The following MAF variants were observed in gnomAD, a reference collection of about 807,000 sequenced individuals.
MAF encodes the protein MAF bZIP transcription factor.
MAF carries 10 observed loss-of-function variants against 22.0 expected under a neutral mutation model. The ratio of observed to expected loss-of-function variants is 0.45; its 90% CI spans 0.28 to 0.77. The LOEUF (loss-of-function observed/expected upper bound fraction) is 0.77. Among genes scored for constraint, MAF ranks in the 30% least tolerant of loss-of-function variants. MAF has a pLI of 0.12. For missense variants in MAF, 544 were observed against 548.4 expected (o/e 0.99, Z 0.08); for synonymous variants, 337 against 255.8 (o/e 1.32, Z -3.03).
chr16:79,332,701 G>A, the MAF span, among the ~76,000 whole-genome samples: 11 of 152,192 alleles, frequency 7.2e-5, no homozygotes, highest in Admixed American at 2.6e-4. Flanking sequence ...TGTCATGAGC[G>A]CAGTACTATT....
the MAF span, among the ~76,000 whole-genome samples, chr16:79,478,157 T>G: frequency 6.6e-6 from 1 of 152,202 alleles, no homozygotes; most frequent in Non-Finnish European, 1.5e-5. Flanking sequence ...TGTCAAACTT[T>G]GTCAATATTT....
the MAF span, among the ~76,000 whole-genome samples, chr16:79,354,037 C>T: frequency 6.6e-6 from 1 of 151,950 alleles, no homozygotes; most frequent in African/African-American, 2.4e-5. Flanking sequence ...CTCCCATCAC[C>T]CAGGCTGGAG....
Position 79,595,204 on chromosome 16 carries a change from G to C in MAF, c.1119-651C>G, listed in dbSNP as rs923784624. On this transcript the variant is annotated intron_variant, in intron 1 of 1. Transcript: ENST00000326043. ...CTCATGAGGGGAGGTTTACTATTAA[G>C]ACTTTTGTTAAGCAAAATTAAGTGT... 5 of 1,038,010 alleles carry C rather than the reference G, an allele frequency of 4.8e-6. No homozygotes were observed. The African/African-American group carries it at 8.4e-5, about 17-fold the overall frequency. The allele number at this position is 1,038,010 out of a possible 1,614,324, so 64.3% of individuals were successfully genotyped here. A position where few individuals can be genotyped will look rare whatever the true frequency, so the allele number is the denominator to read the frequency against.
the MAF span, among the ~76,000 whole-genome samples, chr16:79,266,723 T>C: frequency 2.6e-5 from 4 of 152,190 alleles, no homozygotes; most frequent in Admixed American, 2.0e-4. Flanking sequence ...GATTTATTTA[T>C]AATTTGGTCA....
At chr16:79,589,598 G>A (rs1320350256), downstream of MAF, among the ~76,000 whole-genome samples, 2 of 152,204 alleles carry the variant, frequency 1.3e-5, no homozygotes, top group African/African-American at 4.8e-5. Context: ...CTGGGGCCGC[G>A]ATCGGGTGGA....
the MAF span, among the ~76,000 whole-genome samples, chr16:79,491,036 A>G: frequency 2.6e-5 from 4 of 152,256 alleles, no homozygotes; most frequent in East Asian, 1.9e-4. Flanking sequence ...GAATCAATAA[A>G]TGGAAACAAG....
At chr16:79,595,966 T>TA (rs1218993462) in intron 1 of MAF, 3 of 1,061,648 alleles carry the variant, frequency 2.8e-6, no homozygotes, top group African/African-American at 1.6e-5. Context: ...TTGTCATGTT[T>TA]ATGTTAAATC....
chr16:79,370,968 T>C, the MAF span, among the ~76,000 whole-genome samples: 1 of 152,226 alleles, frequency 6.6e-6, no homozygotes, highest in Non-Finnish European at 1.5e-5. Context: ...CTTGGTGGCT[T>C]AAAAGAACCA....
At chr16:79,341,404 A>G in the MAF span, among the ~76,000 whole-genome samples, 2 of 152,296 alleles carry the variant, frequency 1.3e-5, no homozygotes, top group South Asian at 4.1e-4. Context: ...GGGCTACTGG[A>G]ACCAGCTCCT....
chr16:79,380,524 G>GT, the MAF span, among the ~76,000 whole-genome samples: 1 of 152,190 alleles, frequency 6.6e-6, no homozygotes, highest in Admixed American at 6.5e-5. Flanking sequence ...TTTTCCCACA[G>GT]CTACCTGCCT....
At chr16:79,544,465 A>C in the MAF span, among the ~76,000 whole-genome samples, 15 of 151,986 alleles carry the variant, frequency 9.9e-5, no homozygotes, top group Admixed American at 9.8e-4. Context: ...TTCCATCATT[A>C]TTTTTTTCCT....
the MAF span, among the ~76,000 whole-genome samples, chr16:79,402,593 G>T: frequency 6.6e-6 from 1 of 152,226 alleles, no homozygotes; most frequent in African/African-American, 2.4e-5. Context: ...TGCAGGCTGA[G>T]GCCAGAGGAA....
chr16:79,250,954 G>A, the MAF span, among the ~76,000 whole-genome samples: 1 of 152,130 alleles, frequency 6.6e-6, no homozygotes, highest in Non-Finnish European at 1.5e-5. Context: ...GATTACAAAA[G>A]CAACAGCCAT....
chr16:79,211,566 T>G, the MAF span: 1 of 1,613,520 alleles, frequency 6.2e-7, no homozygotes, highest in African/African-American at 1.3e-5. Flanking sequence ...TCATCACTCC[T>G]TTTCTTAAAA....
chr16:79,212,235 G>GCTGCATTGAT, the MAF span: 1 of 1,368,576 alleles, frequency 7.3e-7, no homozygotes, highest in African/African-American at 1.5e-5. Context: ...ACTGCTCCTT[G>GCTGCATTGAT]CTGCATTGAT....
the MAF span, among the ~76,000 whole-genome samples, chr16:79,232,233 A>G: frequency 6.6e-6 from 1 of 152,114 alleles, no homozygotes; most frequent in Non-Finnish European, 1.5e-5. Flanking sequence ...CAAGTTAAAA[A>G]GACTTAAATT....
At chr16:79,422,043 G>A in the MAF span, among the ~76,000 whole-genome samples, 1 of 152,186 alleles carries the variant, frequency 6.6e-6, no homozygotes, top group Non-Finnish European at 1.5e-5. Flanking sequence ...CTCCCAAAAT[G>A]CTAGGATTAC....
At chr16:79,480,309 A>AGCTGAATTT in the MAF span, among the ~76,000 whole-genome samples, 1 of 146,720 alleles carries the variant, frequency 6.8e-6, no homozygotes, top group Non-Finnish European at 1.5e-5. Context: ...CAGAATTCTC[A>AGCTGAATTT]GCTGAGTTGA....
the MAF span, among the ~76,000 whole-genome samples, chr16:79,562,331 G>A: frequency 4.6e-5 from 7 of 152,160 alleles, no homozygotes; most frequent in Admixed American, 2.6e-4. Context: ...GATAGTCCCA[G>A]CATCTCACTG....
Sources: allele counts gnomAD v4.1 joint callset (sites outside exome capture counted in the v4.1 genomes callset), GRCh38; gene constraint gnomAD v4.1.1; transcripts MANE v1.5; gene names NCBI Gene and HGNC (gene_info 2026-07-23, HGNC 2026-07-21).